Variants in LURAP1L observed in about 807,000 individuals in gnomAD.
LURAP1L encodes the protein leucine rich adaptor protein 1-like.
LURAP1L carries 12 observed loss-of-function variants against 13.8 expected under a neutral mutation model. The ratio of observed to expected loss-of-function variants is 0.87; its 90% CI spans 0.56 to 1.41. The LOEUF is 1.41. Among genes scored for constraint, LURAP1L ranks in the 40% most tolerant of loss-of-function variants. The pLI, the probability that LURAP1L is intolerant of heterozygous loss-of-function variation, is 0.00. For missense variants in LURAP1L, 375 were observed against 292.9 expected (o/e 1.28, Z -2.04); for synonymous variants, 139 against 119.2 (o/e 1.17, Z -1.08).
chr9:12,821,881 T>A lies in LURAP1L; in HGVS notation c.*121T>A, dbSNP rs570923985. On this transcript the variant is annotated 3_prime_UTR_variant, in exon 2 of 2. Transcript: ENST00000319264. Reference sequence around the variant, plus strand: ...TGACCTTTTTAAAAGAAGCTGATTTTGAAACTGCTTAATGGTATTGCTGTT... The same window carrying A: ...TGACCTTTTTAAAAGAAGCTGATTTAGAAACTGCTTAATGGTATTGCTGTT... 1 of 1,190,926 alleles carries A rather than the reference T, an allele frequency of 8.4e-7. No individual in the cohort carries two copies. Among genetic ancestry groups the A allele is most frequent in the Non-Finnish European group, 1.2e-6 (1 of 852,364 alleles). 73.8% of individuals were successfully genotyped at this position (1,190,926 alleles called of 1,614,324 possible).
chr9:12,784,680 C>T (rs778158574), intron 1 of LURAP1L, among the ~76,000 whole-genome samples: 2 of 152,154 alleles, frequency 1.3e-5, no homozygotes, highest in Admixed American at 6.6e-5. Flanking sequence ...AGGCCTGTGG[C>T]AACTATTGCC....
Position 12,821,403 on chromosome 9 carries a change from A to C in LURAP1L, c.330A>C (p.Thr110=). 1 of 1,613,342 alleles carries C rather than the reference A, an allele frequency of 6.2e-7. No individual in the cohort carries two copies. Among genetic ancestry groups the C allele is most frequent in the South Asian group, 1.1e-5 (1 of 91,076 alleles). ...LRQEMVNLRA[T]DVRLMRQLLV... ...GTCCATAGGTTAACCTCAGAGCCAC[A>C]GACGTCAGGCTCATGCGCCAGTTGC... The change falls in exon 2 of 2, where the codon ACA becomes ACC. Residue 110 remains threonine, a synonymous_variant. Transcript: ENST00000319264.
chr9:12,814,205 G>A (rs778246464), intron 1 of LURAP1L: 10 of 152,086 alleles, frequency 6.6e-5, no homozygotes, highest in Non-Finnish European at 1.3e-4. Context: ...TACAGATCAC[G>A]GAGGAGCACA....
chr9:12,798,404 G>A (rs1189029542), intron 1 of LURAP1L, among the ~76,000 whole-genome samples: 1 of 152,176 alleles, frequency 6.6e-6, no homozygotes, highest in East Asian at 1.9e-4. Flanking sequence ...CAAACTACAA[G>A]TTGTATATTT....
chr9:12,792,247 G>A (rs774857695), intron 1 of LURAP1L, among the ~76,000 whole-genome samples: 3 of 152,080 alleles, frequency 2.0e-5, no homozygotes, highest in Non-Finnish European at 4.4e-5. Context: ...CCTTGCAATA[G>A]CTGTATGGAA....
rs561527849 is a variant in LURAP1L at position 12,791,867 on chromosome 9, C to T, written c.312+15840C>T. On this transcript the variant is annotated intron_variant, in intron 1 of 1. Transcript: ENST00000319264. ...CCATCGTGTGTACACTGTTGTCACA[C>T]AATTAATGCCACAATTAATGACTTA... Among the ~76,000 whole-genome samples, 5 of 152,256 alleles carry T rather than the reference C, an allele frequency of 3.3e-5. No individual in the cohort carries two copies. In the East Asian group the frequency reaches 7.7e-4, roughly 24 times the overall value.
intron 1 of LURAP1L, among the ~76,000 whole-genome samples, chr9:12,795,606 G>A (rs1819501818): frequency 6.6e-6 from 1 of 151,826 alleles, no homozygotes; most frequent in South Asian, 2.1e-4. Context: ...AGACTGAAAA[G>A]GTAAAATCAG....
At chr9:12,797,090 AC>A (rs889438675) in intron 1 of LURAP1L, among the ~76,000 whole-genome samples, 1 of 152,088 alleles carries the variant, frequency 6.6e-6, no homozygotes, top group Non-Finnish European at 1.5e-5. Context: ...GGATTACCAA[AC>A]AAAAGCAATA....
intron 1 of LURAP1L, among the ~76,000 whole-genome samples, chr9:12,797,716 C>T (rs1320414093): frequency 6.6e-6 from 1 of 152,054 alleles, no homozygotes; most frequent in Non-Finnish European, 1.5e-5. Flanking sequence ...TTAAGAATTA[C>T]ATACTTGCTT....
chr9:12,812,901 T>G (rs961086133), intron 1 of LURAP1L, among the ~76,000 whole-genome samples: 3 of 152,190 alleles, frequency 2.0e-5, no homozygotes, highest in Non-Finnish European at 4.4e-5. Context: ...ATTTCATGTC[T>G]CAACAATGCT....
intron 1 of LURAP1L, among the ~76,000 whole-genome samples, chr9:12,781,935 T>G (rs1191027718): frequency 6.6e-6 from 1 of 152,218 alleles, no homozygotes; most frequent in Non-Finnish European, 1.5e-5. Context: ...TGTTTGTTGT[T>G]TGGATAAAAG....
Position 12,775,634 on chromosome 9 carries a change from C to G in LURAP1L, c.-82C>G. 6.7e-7 allele frequency: 1 copy of G among 1,501,606 alleles called. No individual in the cohort carries two copies. Among genetic ancestry groups the G allele is most frequent in the Non-Finnish European group, 8.9e-7 (1 of 1,129,100 alleles). 93.0% of individuals were successfully genotyped at this position (1,501,606 alleles called of 1,614,324 possible). A position where few individuals can be genotyped will look rare whatever the true frequency, so the allele number is the denominator to read the frequency against. ...AGACCCTGGCCCCCGGAGAGGTCTG[C>G]TGATTTCGCAGCAGCCTTCGAAGCC... On this transcript the variant is annotated 5_prime_UTR_variant, in exon 1 of 2. Coordinates refer to ENST00000319264, the MANE Select transcript of LURAP1L (RefSeq NM_203403.2).
At chr9:12,810,519 C>A (rs1283177004) in intron 1 of LURAP1L, among the ~76,000 whole-genome samples, 1 of 152,122 alleles carries the variant, frequency 6.6e-6, no homozygotes, top group Non-Finnish European at 1.5e-5. Flanking sequence ...CTTCACATAT[C>A]AGACTGGAAC....
rs1819898866 is a variant in LURAP1L at position 12,822,765 on chromosome 9, CAT to C, written c.*1007_*1008del. Among the ~76,000 whole-genome samples, 1 of 152,110 alleles carries C rather than the reference CAT, an allele frequency of 6.6e-6. No individual in the cohort carries two copies. Among genetic ancestry groups the C allele is most frequent in the Non-Finnish European group, 1.5e-5 (1 of 68,012 alleles). The stretch of plus-strand genomic sequence containing the variant: ...TTTCTGAAATGGAATATTTAACGCA[CAT>C]AGACAGTGGATATTTACTTTAAATA... On this transcript the variant is annotated 3_prime_UTR_variant, in exon 2 of 2. Transcript: ENST00000319264.
chr9:12,806,296 G>A (rs191498716), intron 1 of LURAP1L, among the ~76,000 whole-genome samples: 1 of 152,152 alleles, frequency 6.6e-6, no homozygotes, highest in East Asian at 1.9e-4. Flanking sequence ...ATTTTCTCAG[G>A]AAAATCATAT....
chr9:12,808,851 T>C (rs773296838), intron 1 of LURAP1L, among the ~76,000 whole-genome samples: 1 of 152,174 alleles, frequency 6.6e-6, no homozygotes, highest in Non-Finnish European at 1.5e-5. Flanking sequence ...ATTATACATG[T>C]GTTATTCTGT....
chr9:12,814,603 C>A (rs1268755080), intron 1 of LURAP1L, among the ~76,000 whole-genome samples: 1 of 152,166 alleles, frequency 6.6e-6, no homozygotes, highest in Non-Finnish European at 1.5e-5. Flanking sequence ...AGATGACTCA[C>A]CAGCAGAAAC....
chr9:12,799,632 G>C (rs925474961), intron 1 of LURAP1L, among the ~76,000 whole-genome samples: 2 of 152,116 alleles, frequency 1.3e-5, no homozygotes, highest in African/African-American at 2.4e-5. Flanking sequence ...TGTAATCCCA[G>C]CACTTTGGGA....
intron 1 of LURAP1L, among the ~76,000 whole-genome samples, chr9:12,801,458 A>T (rs1389198253): frequency 6.6e-6 from 1 of 152,124 alleles, no homozygotes; most frequent in Non-Finnish European, 1.5e-5. Flanking sequence ...ATGTACATAT[A>T]TGCATGTAAG....
Sources: allele counts gnomAD v4.1 joint callset (sites outside exome capture counted in the v4.1 genomes callset), GRCh38; gene constraint gnomAD v4.1.1; transcripts MANE v1.5; gene names NCBI Gene and HGNC (gene_info 2026-07-23, HGNC 2026-07-21).